Variants in CELF6 observed in about 807,000 individuals in gnomAD.
CELF6 encodes the protein Bruno -like 6, RNA binding protein.
A neutral mutation model predicts 53.1 loss-of-function variants in CELF6; 32 were observed. The ratio of observed to expected loss-of-function variants is 0.60; its 90% CI spans 0.46 to 0.81. The LOEUF is 0.81. Among genes scored for constraint, CELF6 ranks in the 30% least tolerant of loss-of-function variants. The pLI is 0.00. For synonymous variants in CELF6, 291 were observed against 288.8 expected (o/e 1.01, Z -0.08); for missense variants, 539 against 669.5 (o/e 0.81, Z 2.15).
chr15:72,289,380 G>A lies in CELF6; in HGVS notation c.875C>T (p.Ala292Val), dbSNP rs199558643. Residue 292 changes from alanine (A) to valine (V), a missense_variant, in exon 7 of 13, where the codon GCG becomes GTG. Physicochemically the swap from Ala to Val is moderately conservative, Grantham distance 64 (BLOSUM62 0). Coordinates refer to ENST00000287202, the MANE Select transcript of CELF6 (RefSeq NM_052840.5). The surrounding 1 kb of genome is among the most constrained non-coding windows in gnomAD (Gnocchi z 7.6). Reference protein sequence around the residue: ...FSLVAAPLLPAAAANSPPGSG... With the variant: ...FSLVAAPLLPVAAANSPPGSG... ...CCAGTCCCTGGGGGCCGTACCTGCC[G>A]CGGGCAACAGAGGCGCAGCTACCAG... 951 of 1,553,010 alleles carry A rather than the reference G, an allele frequency of 6.1e-4. 11 individuals carry two copies. The highest frequency in any genetic ancestry group is 1.4e-4 in the Non-Finnish European group (161 of 1,157,854).
rs1003574784 is a variant in CELF6 at position 72,287,465 on chromosome 15, C to T, written c.1319-73G>A. 1.9e-6 allele frequency: 3 copies of T among 1,574,202 alleles called. No homozygotes were observed. The African/African-American group carries it at 4.0e-5, about 21-fold the overall frequency. On this transcript the variant is annotated intron_variant, in intron 11 of 12. Transcript: ENST00000287202. ...GCCTCCTTTCTCTCTGACCAGCCCC[C>T]TCCTCTTCCAGCCCCGTCAGGCCAG...
chr15:72,294,569 A>C (rs1567279521), intron 3 of CELF6, among the ~76,000 whole-genome samples: 1 of 152,234 alleles, frequency 6.6e-6, no homozygotes, highest in Non-Finnish European at 1.5e-5. Context: ...TCCACACACA[A>C]AAAAACTGTT....
intron 2 of CELF6, among the ~76,000 whole-genome samples, chr15:72,311,743 C>T (rs2088301002): frequency 6.6e-6 from 1 of 152,228 alleles, no homozygotes; most frequent in African/African-American, 2.4e-5. Context: ...GGCAAAGACT[C>T]AGACTCATTC....
At chr15:72,290,369 G>T in intron 3 of CELF6, 114 bp from the exon 4 acceptor site, 2 of 1,290,258 alleles carry the variant, frequency 1.6e-6, no homozygotes, top group Non-Finnish European at 2.1e-6. Context: ...AGCAGAGGGA[G>T]TGAGAAGGCC....
chr15:72,313,426 A>G (rs1410951314), intron 2 of CELF6, among the ~76,000 whole-genome samples: 3 of 152,228 alleles, frequency 2.0e-5, no homozygotes, highest in Non-Finnish European at 4.4e-5. Flanking sequence ...GTGAAACCTC[A>G]TCTCTACTAA....
In CELF6 at chr15:72,289,085, C is replaced by A. The variant is rs1268491322; in HGVS notation, c.1030+53G>T. 12 of 1,401,728 alleles carry A rather than the reference C, an allele frequency of 8.6e-6. No individual in the cohort carries two copies. Among genetic ancestry groups the A allele is most frequent in the Admixed American group, 2.8e-5 (1 of 36,226 alleles). The allele number at this position is 1,401,728 out of a possible 1,614,324, so 86.8% of individuals were successfully genotyped here. On this transcript the variant is annotated intron_variant, in intron 8 of 12. Coordinates refer to ENST00000287202, the MANE Select transcript of CELF6 (RefSeq NM_052840.5). This position sits in a 1 kb window ranked among gnomAD's most constrained non-coding sequence, Gnocchi z 7.6. ...AGGGAAGCCAGGCCCTAACCCCCCA[C>A]CCCCCGCTCCCCACTCCATTTCGGG...
At position 72,289,110 on chromosome 15, in the gene CELF6, G is replaced by A; in HGVS notation, c.1030+28C>T. 6.7e-7 allele frequency: 1 copy of A among 1,487,248 alleles called. No homozygotes were observed. Among genetic ancestry groups the A allele is most frequent in the Non-Finnish European group, 8.9e-7 (1 of 1,119,538 alleles). The allele number at this position is 1,487,248 out of a possible 1,614,324, so 92.1% of individuals were successfully genotyped here. A position where few individuals can be genotyped will look rare whatever the true frequency, so the allele number is the denominator to read the frequency against. On this transcript the variant is annotated intron_variant, in intron 8 of 12. Transcript: ENST00000287202. The surrounding 1 kb of genome is among the most constrained non-coding windows in gnomAD (Gnocchi z 7.6). ...CCCCCCGCTCCCCACTCCATTTCGGGGGGATTTGGGCGGAGCGGGGGGCCC... is the reference window on the plus strand; with the variant it reads ...CCCCCCGCTCCCCACTCCATTTCGGAGGGATTTGGGCGGAGCGGGGGGCCC...
chr15:72,288,954 C>T lies in CELF6; in HGVS notation c.1031-24G>A, dbSNP rs1435640725. On this transcript the variant is annotated intron_variant, in intron 8 of 12. Coordinates refer to ENST00000287202, the MANE Select transcript of CELF6 (RefSeq NM_052840.5). This position sits in a 1 kb window ranked among gnomAD's most constrained non-coding sequence, Gnocchi z 4.6. ...GGCTGGGGAGAGAGGGGCGCGAGGC[C>T]CACAGTGAAGGCAAGCGGGCGAGCA... is the stretch of plus-strand genomic sequence containing the variant. The T allele has an allele frequency of 6.5e-7, 1 of 1,547,288 alleles. No individual in the cohort carries two copies. Among genetic ancestry groups the T allele is most frequent in the Non-Finnish European group, 8.7e-7 (1 of 1,144,598 alleles).
At chr15:72,302,073 T>G (rs1362499017) in intron 3 of CELF6, among the ~76,000 whole-genome samples, 1 of 152,200 alleles carries the variant, frequency 6.6e-6, no homozygotes, top group Non-Finnish European at 1.5e-5. Flanking sequence ...TGTGTTAAAA[T>G]TCAGCAGAGG....
In CELF6 at chr15:72,289,685, A is replaced by C. The variant is rs755123372; in HGVS notation, c.689T>G (p.Leu230Arg). 1.0e-4 allele frequency: 154 copies of C among 1,490,466 alleles called. No homozygotes were observed. The highest frequency in any genetic ancestry group is 1.3e-4 in the Non-Finnish European group (150 of 1,130,042). The allele number at this position is 1,490,466 out of a possible 1,614,324, so 92.3% of individuals were successfully genotyped here. The change falls in exon 6 of 13, where the codon CTG becomes CGG. Residue 230 changes from leucine (L) to arginine (R), a missense_variant. Physicochemically the swap from Leu to Arg is moderately radical, Grantham distance 102. Around this residue, in one of 3 missense-constraint regions of CELF6, gnomAD observed 358 missense variants for 412.8 expected, o/e 0.87. Transcript: ENST00000287202. This position sits in a 1 kb window ranked among gnomAD's most constrained non-coding sequence, Gnocchi z 7.6. ...LRRMQQMAGHLGAFHPAPLPL... is the reference protein window; with the variant it reads ...LRRMQQMAGHRGAFHPAPLPL... ...CAGTGGCGCGGGGTGGAAGGCGCCC[A>C]GGTGGCCGGCCATCTGCTGCATCCG...
At chr15:72,306,596 G>A (rs1353286349) in intron 2 of CELF6, among the ~76,000 whole-genome samples, 7 of 150,020 alleles carry the variant, frequency 4.7e-5, no homozygotes, top group African/African-American at 1.7e-4. Context: ...GGCCAAGTCT[G>A]AACCAGCGCA....
chr15:72,301,983 C>A lies in CELF6; in HGVS notation c.394+2763G>T, dbSNP rs541964226. ...ATCTCCTGACCTCGTGATCCGCCCG[C>A]CTCGGCCTCCCAAAGTGCTGGGATT... On this transcript the variant is annotated intron_variant, in intron 3 of 12. Transcript: ENST00000287202. Among the ~76,000 whole-genome samples, 6 of 152,314 alleles carry A rather than the reference C, an allele frequency of 3.9e-5. No individual in the cohort carries two copies. The South Asian group carries it at 1.0e-3, about 26-fold the overall frequency.
At chr15:72,318,707 C>G (rs1166221465) in intron 1 of CELF6, among the ~76,000 whole-genome samples, 1 of 152,130 alleles carries the variant, frequency 6.6e-6, no homozygotes, top group Non-Finnish European at 1.5e-5. Context: ...GTCTCTTCAG[C>G]CTGACTCACC....
At chr15:72,298,158 T>C (rs2088103200) in intron 3 of CELF6, among the ~76,000 whole-genome samples, 1 of 152,238 alleles carries the variant, frequency 6.6e-6, no homozygotes, top group Admixed American at 6.5e-5. Flanking sequence ...CTGAAAATTC[T>C]ACCTCAAAAT....
intron 3 of CELF6, among the ~76,000 whole-genome samples, chr15:72,303,948 C>T (rs2141198580): frequency 6.6e-6 from 1 of 152,166 alleles, no homozygotes; most frequent in East Asian, 1.9e-4. Context: ...ACCTCCGCCT[C>T]CCAGGTTTAA....
At position 72,289,858 on chromosome 15, in the gene CELF6, G is replaced by A; in HGVS notation, c.603+81C>T. ...CGCCTTTCCCATCAGGTCCTTTCGC[G>A]GGGCACCGAGCACACTCGGGGAGGA... is the stretch of plus-strand genomic sequence containing the variant. On this transcript the variant is annotated intron_variant, in intron 5 of 12. Transcript: ENST00000287202. This position sits in a 1 kb window ranked among gnomAD's most constrained non-coding sequence, Gnocchi z 7.6. The A allele has an allele frequency of 1.3e-6, 2 of 1,503,982 alleles. No individual in the cohort carries two copies. Among genetic ancestry groups the A allele is most frequent in the Middle Eastern group, 2.4e-4 (1 of 4,202 alleles). 93.2% of individuals were successfully genotyped at this position (1,503,982 alleles called of 1,614,324 possible). A position where few individuals can be genotyped will look rare whatever the true frequency, so the allele number is the denominator to read the frequency against.
intron 3 of CELF6, among the ~76,000 whole-genome samples, chr15:72,302,852 C>T (rs1163379580): frequency 2.0e-5 from 3 of 152,202 alleles, no homozygotes; most frequent in Admixed American, 6.5e-5. Flanking sequence ...TTAAATATTA[C>T]TCCTCTGGGA....
chr15:72,296,912 TA>T (rs1221140938), intron 3 of CELF6, among the ~76,000 whole-genome samples: 2 of 152,318 alleles, frequency 1.3e-5, no homozygotes, highest in Non-Finnish European at 2.9e-5. Context: ...AAATTAAAAA[TA>T]GAATTACCAT....
In CELF6 at chr15:72,320,056, G is replaced by A. The variant is rs1192625356; in HGVS notation, c.-182C>T. 1.6e-6 allele frequency: 1 copy of A among 630,424 alleles called. No homozygotes were observed. Among genetic ancestry groups the A allele is most frequent in the African/African-American group, 1.9e-5 (1 of 53,742 alleles). The allele number at this position is 630,424 out of a possible 1,614,324, so 39.1% of individuals were successfully genotyped here. A position where few individuals can be genotyped will look rare whatever the true frequency, so the allele number is the denominator to read the frequency against. On this transcript the variant is annotated 5_prime_UTR_variant, in exon 1 of 13. Coordinates refer to ENST00000287202, the MANE Select transcript of CELF6 (RefSeq NM_052840.5). ...GAGGGGGTGGGGCGGGCAGGAAAGG[G>A]GCGGGGCCGGGGCGGGGCGGGCCCG...
Sources: allele counts gnomAD v4.1 joint callset (sites outside exome capture counted in the v4.1 genomes callset), GRCh38; gene constraint gnomAD v4.1.1; regional missense constraint gnomAD v4.1.1; non-coding constraint Gnocchi (gnomAD v3.1); transcripts MANE v1.5; gene names NCBI Gene and HGNC (gene_info 2026-07-23, HGNC 2026-07-21).